Variants in CFAP20DC observed in about 807,000 individuals in gnomAD.
CFAP20DC encodes the protein CFAP20 domain containing.
A neutral mutation model predicts 101.7 loss-of-function variants in CFAP20DC; 84 were observed. The observed-to-expected ratio is 0.83, with a 90% CI of 0.69 to 0.99. The LOEUF (loss-of-function observed/expected upper bound fraction) is 0.99, where lower values mean the gene tolerates loss of function less well. Among genes scored for constraint, CFAP20DC ranks in the 50% least tolerant of loss-of-function variants. CFAP20DC has a pLI of 0.00. For missense variants in CFAP20DC, 1,007 were observed against 970.3 expected, an observed-to-expected ratio of 1.04 and a Z score of -0.50; for synonymous variants, 359 against 351.2, an observed-to-expected ratio of 1.02 and a Z score of -0.25.
chr3:58,819,504 C>T (rs1318404935), intron 14 of CFAP20DC, among the ~76,000 whole-genome samples: 4 of 149,762 alleles, frequency 2.7e-5, no homozygotes, highest in South Asian at 2.2e-4. Context: ...TCAGAGAATA[C>T]TACAAACACC....
intron 7 of CFAP20DC, among the ~76,000 whole-genome samples, chr3:58,879,081 C>G (rs921428368): frequency 6.6e-6 from 1 of 151,812 alleles, no homozygotes; most frequent in Admixed American, 6.6e-5. Flanking sequence ...CCAATGCTCA[C>G]TATTTGATCT....
At chr3:59,013,968 C>T (rs893677128) in intron 4 of CFAP20DC, among the ~76,000 whole-genome samples, 2 of 152,116 alleles carry the variant, frequency 1.3e-5, no homozygotes, top group African/African-American at 2.4e-5. Flanking sequence ...AATTCAATGA[C>T]GTATGGAAGG....
intron 6 of CFAP20DC, among the ~76,000 whole-genome samples, chr3:58,889,196 C>T (rs1172036540): frequency 1.3e-5 from 2 of 152,082 alleles, no homozygotes; most frequent in Non-Finnish European, 2.9e-5. Flanking sequence ...TTTCAAGGGC[C>T]GACTAGACAT....
At chr3:58,940,780 T>G (rs2088440898) in intron 4 of CFAP20DC, among the ~76,000 whole-genome samples, 1 of 152,196 alleles carries the variant, frequency 6.6e-6, no homozygotes, top group Non-Finnish European at 1.5e-5. Context: ...CATATAGATT[T>G]TAGAATCCAT....
At chr3:58,748,847 G>C (rs1050354656) in intron 16 of CFAP20DC, among the ~76,000 whole-genome samples, 1 of 152,180 alleles carries the variant, frequency 6.6e-6, no homozygotes, top group Admixed American at 6.5e-5. Context: ...ACCCTGGTCA[G>C]ACAGGTCTGG....
In CFAP20DC at chr3:58,899,676, C is replaced by A. The variant is rs560595575; in HGVS notation, c.550+14032G>T. Among the ~76,000 whole-genome samples the A allele has an allele frequency of 3.2e-4, 48 of 152,248 alleles. No individual in the cohort carries two copies. The highest frequency in any genetic ancestry group is 1.0e-3 in the African/African-American group (42 of 41,550). ...AAGATCCGTGGGAGGGGTGTGGTTT[C>A]CTGGGCAGGACTGCACAATCACTCA... On this transcript the variant is annotated intron_variant, in intron 6 of 16. Transcript: ENST00000482387. The surrounding 1 kb of genome is among the most constrained non-coding windows in gnomAD (Gnocchi z 5.0).
intron 6 of CFAP20DC, among the ~76,000 whole-genome samples, chr3:58,893,210 A>AT (rs1364142969): frequency 6.6e-6 from 1 of 151,738 alleles, no homozygotes. Context: ...CGCCCAGCTA[A>AT]TTTTTTTGTA....
intron 4 of CFAP20DC, among the ~76,000 whole-genome samples, chr3:58,958,264 C>T (rs1240361768): frequency 1.3e-5 from 2 of 152,128 alleles, no homozygotes; most frequent in Non-Finnish European, 2.9e-5. Flanking sequence ...CTGGATATTT[C>T]ATATAAACGT....
intron 4 of CFAP20DC, among the ~76,000 whole-genome samples, chr3:59,037,954 G>C (rs1256101914): frequency 6.6e-6 from 1 of 152,102 alleles, no homozygotes; most frequent in African/African-American, 2.4e-5. Context: ...CTGTAAAAGA[G>C]GATGAGTTCA....
chr3:58,895,185 G>A (rs116281363), intron 6 of CFAP20DC, among the ~76,000 whole-genome samples: 2,240 of 152,292 alleles, frequency 0.015, 52 homozygotes, highest in African/African-American at 0.051. Context: ...CATCACTTGT[G>A]CAATTTCTGC....
At chr3:59,012,664 A>G (rs1027337389) in intron 4 of CFAP20DC, among the ~76,000 whole-genome samples, 3 of 152,232 alleles carry the variant, frequency 2.0e-5, no homozygotes, top group Admixed American at 6.5e-5. Context: ...TCTAGAACTT[A>G]TAAAACTGCA....
chr3:58,850,614 A>T (rs1411609383), intron 12 of CFAP20DC, among the ~76,000 whole-genome samples: 1 of 151,722 alleles, frequency 6.6e-6, no homozygotes, highest in African/African-American at 2.4e-5. Flanking sequence ...AGACAAAACA[A>T]CAAAAAAAAC....
At chr3:58,938,769 A>G (rs925156581) in intron 4 of CFAP20DC, among the ~76,000 whole-genome samples, 46 of 152,108 alleles carry the variant, frequency 3.0e-4, no homozygotes, top group Admixed American at 2.7e-3. Flanking sequence ...CATATCTTTC[A>G]GTGAAAAAAA....
At chr3:58,877,765 T>C (rs911616098) in intron 7 of CFAP20DC, among the ~76,000 whole-genome samples, 1 of 152,208 alleles carries the variant, frequency 6.6e-6, no homozygotes, top group African/African-American at 2.4e-5. Context: ...TAACTAAAAA[T>C]TTTTGTTTTG....
At chr3:58,734,338 T>G (rs552663241) in intron 3 of CFAP20DC, 1 of 317,196 alleles carries the variant, frequency 3.2e-6, no homozygotes, top group Non-Finnish European at 6.3e-6. Context: ...ACAGTATGTA[T>G]GTGCCCATAT....
chr3:58,965,667 T>C (rs528808500), intron 4 of CFAP20DC, among the ~76,000 whole-genome samples: 1 of 152,224 alleles, frequency 6.6e-6, no homozygotes, highest in Non-Finnish European at 1.5e-5. Flanking sequence ...ATTCCTGCCA[T>C]ACAGTAAATG....
At chr3:58,945,084 A>G (rs1406671041) in intron 4 of CFAP20DC, among the ~76,000 whole-genome samples, 2 of 152,240 alleles carry the variant, frequency 1.3e-5, no homozygotes, top group African/African-American at 4.8e-5. Flanking sequence ...TAATCCTCCC[A>G]TAAACCCTAC....
At chr3:59,013,701 T>A (rs993357312) in intron 4 of CFAP20DC, among the ~76,000 whole-genome samples, 2 of 152,196 alleles carry the variant, frequency 1.3e-5, no homozygotes, top group Non-Finnish European at 2.9e-5. Context: ...TTTTCTTTCC[T>A]GACCAAATAT....
chr3:58,881,148 C>T (rs1224687426), intron 7 of CFAP20DC, among the ~76,000 whole-genome samples: 1 of 152,074 alleles, frequency 6.6e-6, no homozygotes, highest in Non-Finnish European at 1.5e-5. Flanking sequence ...TTGCTCGATG[C>T]ATTAATTTAC....
Sources: allele counts gnomAD v4.1 joint callset (sites outside exome capture counted in the v4.1 genomes callset), GRCh38; gene constraint gnomAD v4.1.1; non-coding constraint Gnocchi (gnomAD v3.1); transcripts MANE v1.5; gene names NCBI Gene and HGNC (gene_info 2026-07-23, HGNC 2026-07-21).